Variants in GRK4 observed in about 807,000 individuals in gnomAD.
The protein encoded by GRK4 is G protein-coupled receptor kinase 4, also known as G protein-coupled receptor kinase 2-like.
In GRK4, 73 loss-of-function variants were observed where a neutral mutation model predicts 77.9. That is an observed-to-expected ratio of 0.94 (90% CI 0.78 to 1.14). GRK4 has a LOEUF of 1.14. Among genes scored for constraint, GRK4 ranks in the 50% most tolerant of loss-of-function variants. The pLI is 0.00. For missense variants in GRK4, 729 were observed against 700.2 expected, an observed-to-expected ratio of 1.04 and a Z score of -0.46; for synonymous variants, 257 against 254.4, an observed-to-expected ratio of 1.01 and a Z score of -0.10.
intron 2 of GRK4, among the ~76,000 whole-genome samples, chr4:2,985,219 T>C (rs999292775): frequency 2.0e-5 from 3 of 151,146 alleles, no homozygotes; most frequent in Non-Finnish European, 2.9e-5. Flanking sequence ...GAGACCACGG[T>C]GAAACCCCGT....
intron 4 of GRK4, among the ~76,000 whole-genome samples, chr4:2,998,471 A>G (rs929213523): frequency 1.3e-5 from 2 of 152,198 alleles, no homozygotes; most frequent in Non-Finnish European, 2.9e-5. Flanking sequence ...ATACACACAT[A>G]AAGAAAAAGA....
chr4:3,034,092 G>A (rs550978966), intron 12 of GRK4, among the ~76,000 whole-genome samples: 1 of 152,260 alleles, frequency 6.6e-6, no homozygotes, highest in South Asian at 2.1e-4. Context: ...ACTTGTCATC[G>A]AGGAGAGGTG....
intron 11 of GRK4, among the ~76,000 whole-genome samples, chr4:3,028,775 C>CTTT (rs35200515): frequency 6.8e-6 from 1 of 147,404 alleles, no homozygotes; most frequent in East Asian, 2.0e-4. Context: ...AATTTCACAA[C>CTTT]TTTTTTTTTT....
Position 2,963,629 on chromosome 4 carries a change from G to T in GRK4, c.-442G>T, listed in dbSNP as rs918361976. 7.7e-6 allele frequency: 3 copies of T among 389,948 alleles called. No homozygotes were observed. The highest frequency in any genetic ancestry group is 4.8e-5 in the Admixed American group (1 of 20,808). The allele number at this position is 389,948 out of a possible 1,614,324, so 24.2% of individuals were successfully genotyped here. On this transcript the variant is annotated 5_prime_UTR_variant, in exon 1 of 16. Transcript: ENST00000398052. ...CCTCTTCAGCTAAGCCGTTAGCGCCGAGCCCGCCCGGGAGCGGGTCGCCGG... is the reference window on the plus strand; with the variant it reads ...CCTCTTCAGCTAAGCCGTTAGCGCCTAGCCCGCCCGGGAGCGGGTCGCCGG...
Position 3,004,313 on chromosome 4 carries a change from A to C in GRK4, c.422A>C (p.Lys141Thr), listed in dbSNP as rs1239048645. The C allele has an allele frequency of 1.2e-6, 2 of 1,611,734 alleles. No homozygotes were observed. Among genetic ancestry groups the C allele is most frequent in the Non-Finnish European group, 1.7e-6 (2 of 1,177,860 alleles). ...LGLKEENPSK[K>T]AFEECTRVAH... ...CTGAAGGAGGAGAACCCTTCCAAAA[A>C]AGCCTTTGAGGAATGTACTAGGTAA... The change falls in exon 5 of 16, where the codon AAA (lysine) becomes ACA (threonine). Residue 141 changes from lysine to threonine, a missense_variant. By Grantham distance (78) the Lys-to-Thr change is moderately conservative. Coordinates refer to ENST00000398052, the MANE Select transcript of GRK4 (RefSeq NM_182982.3).
intron 12 of GRK4, among the ~76,000 whole-genome samples, chr4:3,032,184 C>T (rs1739356880): frequency 6.6e-6 from 1 of 152,062 alleles, no homozygotes; most frequent in Non-Finnish European, 1.5e-5. Context: ...GAAATGACTG[C>T]AGTGAAAAAG....
At chr4:3,001,357 A>C (rs1227314719) in intron 4 of GRK4, among the ~76,000 whole-genome samples, 1 of 108,554 alleles carries the variant, frequency 9.2e-6, no homozygotes. Flanking sequence ...ACACACACAT[A>C]TATATATATA....
intron 10 of GRK4, among the ~76,000 whole-genome samples, chr4:3,024,125 G>T (rs1736776009): frequency 6.6e-6 from 1 of 152,142 alleles, no homozygotes; most frequent in Non-Finnish European, 1.5e-5. Context: ...CTCTGCCCAG[G>T]TTCCCCTCCT....
intron 8 of GRK4, among the ~76,000 whole-genome samples, chr4:3,017,097 G>A (rs950718745): frequency 4.6e-5 from 7 of 152,222 alleles, no homozygotes; most frequent in Non-Finnish European, 4.4e-5. Flanking sequence ...AAGGCAGTCT[G>A]TGGACAAGTT....
At chr4:3,034,315 T>A (rs1739994947) in intron 12 of GRK4, among the ~76,000 whole-genome samples, 1 of 152,126 alleles carries the variant, frequency 6.6e-6, no homozygotes, top group African/African-American at 2.4e-5. Flanking sequence ...TTTGGGACTT[T>A]GAGTTGGCCA....
intron 4 of GRK4, among the ~76,000 whole-genome samples, chr4:2,998,019 A>G (rs151168799): frequency 1.3e-5 from 2 of 152,246 alleles, no homozygotes; most frequent in East Asian, 3.9e-4. Context: ...TGTAAGTTCC[A>G]TTGTACTGGA....
In GRK4 at chr4:3,013,834, T is replaced by TA; in HGVS notation, c.741+6_741+7insA. 1 of 1,605,122 alleles carries TA rather than the reference T, an allele frequency of 6.2e-7. No homozygotes were observed. Among genetic ancestry groups the TA allele is most frequent in the South Asian group, 1.1e-5 (1 of 88,738 alleles). ...AAGTGCAAAGTAGATTCGTAGTAAG[T>TA]GTCTCCTCTTAGTCTTCACTGTGCA... On this transcript the variant is annotated splice_region_variant and intron_variant, in intron 8 of 15. Coordinates refer to ENST00000398052, the MANE Select transcript of GRK4 (RefSeq NM_182982.3).
chr4:2,984,697 G>A (rs1578047422), intron 2 of GRK4, 89 bp downstream of exon 2: 2 of 585,590 alleles, frequency 3.4e-6, no homozygotes, highest in East Asian at 6.6e-5. Context: ...TTCCATGTTT[G>A]TTTCAAACAT....
intron 8 of GRK4, among the ~76,000 whole-genome samples, chr4:3,016,061 AC>A (rs1284714915): frequency 5.2e-4 from 79 of 151,144 alleles, no homozygotes; most frequent in Non-Finnish European, 7.8e-4. Flanking sequence ...GGTGCCCACC[AC>A]CACACCCAGC....
At chr4:3,009,075 A>G (rs1420687547) in intron 6 of GRK4, among the ~76,000 whole-genome samples, 1 of 152,122 alleles carries the variant, frequency 6.6e-6, no homozygotes, top group Non-Finnish European at 1.5e-5. Context: ...ACCTATCTTT[A>G]GTTAGTGAGG....
At chr4:3,031,113 G>A (rs1739047644) in intron 12 of GRK4, among the ~76,000 whole-genome samples, 1 of 152,120 alleles carries the variant, frequency 6.6e-6, no homozygotes, top group Non-Finnish European at 1.5e-5. Context: ...GAGGGAAGGG[G>A]GCACTCGCTG....
At position 3,015,575 on chromosome 4, in the gene GRK4, T is replaced by G. The variant is rs182212307; in HGVS notation, c.741+1747T>G. 2.4e-3 allele frequency among the ~76,000 whole-genome samples: 365 copies of G among 151,002 alleles called. 3 individuals are homozygous for G. Among genetic ancestry groups the G allele is most frequent in the African/African-American group, 8.6e-3 (352 of 41,054 alleles). ...CTGTAGTCCCAGCTACTCAGGAGGC[T>G]GAGGCAGGAGAATGGCGTGAACCCC... On this transcript the variant is annotated intron_variant, in intron 8 of 15. Transcript: ENST00000398052.
At chr4:3,013,559 G>C (rs980837623) in intron 7 of GRK4, 129 bp from the exon 8 acceptor site, 1 of 1,069,880 alleles carries the variant, frequency 9.3e-7, no homozygotes, top group Admixed American at 2.3e-5. Flanking sequence ...CCTTTGAAAC[G>C]GTCTCGGCTC....
intron 1 of GRK4, among the ~76,000 whole-genome samples, chr4:2,974,011 C>T (rs1257249622): frequency 6.6e-6 from 1 of 152,118 alleles, no homozygotes; most frequent in Non-Finnish European, 1.5e-5. Flanking sequence ...TACCCCTTCC[C>T]TCATTCACTC....
Sources: allele counts gnomAD v4.1 joint callset (sites outside exome capture counted in the v4.1 genomes callset), GRCh38; gene constraint gnomAD v4.1.1; transcripts MANE v1.5; gene names NCBI Gene and HGNC (gene_info 2026-07-23, HGNC 2026-07-21).